Variants in EP400 observed in about 807,000 individuals in gnomAD.
EP400 encodes E1A-binding protein p400.
A neutral mutation model predicts 354.1 loss-of-function variants in EP400; 105 were observed. The ratio of observed to expected loss-of-function variants is 0.30; its 90% CI spans 0.25 to 0.35. EP400 has a LOEUF of 0.35. Ranked by LOEUF, EP400 falls within the 10% of genes least tolerant of loss-of-function variation. EP400 has a pLI of 1.00. For missense variants in EP400, 3,280 were observed against 4,121.0 expected, an observed-to-expected ratio of 0.80 and a Z score of 5.59; for synonymous variants, 1,646 against 1,716.9, an observed-to-expected ratio of 0.96 and a Z score of 1.02.
rs1352683997 is a variant in EP400 at position 132,038,240 on chromosome 12, C to T, written c.6207+144C>T. The T allele has an allele frequency of 9.8e-7, 1 of 1,021,632 alleles. No individual in the cohort carries two copies. Among genetic ancestry groups the T allele is most frequent in the East Asian group, 2.6e-5 (1 of 38,798 alleles). 63.3% of individuals were successfully genotyped at this position (1,021,632 alleles called of 1,614,324 possible). On this transcript the variant is annotated intron_variant, in intron 32 of 52. Coordinates refer to ENST00000389561, the MANE Select transcript of EP400 (RefSeq NM_015409.5). This position sits in a 1 kb window ranked among gnomAD's most constrained non-coding sequence, Gnocchi z 4.2. ...CCCGTCCCTGCTTTTGGAACCTCCC[C>T]ACTCCCTTCTTTCTGTCATGGGGAT...
chr12:132,006,074 T>C, intron 13 of EP400, 38 bp from the exon 14 acceptor site: 1 of 1,575,064 alleles, frequency 6.3e-7, no homozygotes, highest in South Asian at 1.1e-5. Context: ...TAAAGCCTTC[T>C]CAGTGGCCCT....
intron 12 of EP400, among the ~76,000 whole-genome samples, chr12:131,996,293 C>CTATTTTT (rs1893213191): frequency 8.1e-6 from 1 of 123,398 alleles, no homozygotes; most frequent in African/African-American, 4.3e-5. Context: ...CAGGAAGGAA[C>CTATTTTT]TCTTTTTTTT....
intron 30 of EP400, among the ~76,000 whole-genome samples, chr12:132,035,237 C>G (rs751936873): frequency 7.2e-5 from 11 of 152,150 alleles, no homozygotes; most frequent in Non-Finnish European, 1.5e-4. Flanking sequence ...GGGAACGAGC[C>G]TGTTCAGCCT....
At chr12:131,998,267 C>A (rs775678575) in intron 12 of EP400, among the ~76,000 whole-genome samples, 11 of 152,266 alleles carry the variant, frequency 7.2e-5, no homozygotes, top group Admixed American at 2.6e-4. Context: ...TATTTGGGGA[C>A]TATTTCAGAA....
chr12:131,973,771 TTC>T (rs1386384936), intron 2 of EP400, among the ~76,000 whole-genome samples: 25 of 152,214 alleles, frequency 1.6e-4, no homozygotes, highest in Non-Finnish European at 1.3e-4. Flanking sequence ...TTGCGTGTAT[TTC>T]TCTTTGTTTC....
intron 47 of EP400, among the ~76,000 whole-genome samples, chr12:132,062,967 T>C (rs1253402421): frequency 3.3e-5 from 5 of 152,240 alleles, no homozygotes; most frequent in Admixed American, 1.3e-4. Flanking sequence ...TCTTCTTGCT[T>C]AGGCGTCTTG....
intron 50 of EP400, chr12:132,069,218 C>T: frequency 5.0e-6 from 2 of 400,502 alleles, no homozygotes; most frequent in Non-Finnish European, 9.0e-6. Flanking sequence ...ACCAGCCCGA[C>T]TATTCAGGGA....
At chr12:132,047,872 A>G (rs1895159912) in intron 39 of EP400, among the ~76,000 whole-genome samples, 2 of 152,328 alleles carry the variant, frequency 1.3e-5, no homozygotes, top group East Asian at 1.9e-4. Flanking sequence ...GCTGCCCCCA[A>G]AGCGGCCATT....
At chr12:131,999,815 C>A (rs1019258483) in intron 12 of EP400, among the ~76,000 whole-genome samples, 9 of 152,064 alleles carry the variant, frequency 5.9e-5, no homozygotes, top group Non-Finnish European at 1.0e-4. Context: ...CTAGGAATTT[C>A]TTTATTTCAT....
intron 30 of EP400, among the ~76,000 whole-genome samples, chr12:132,036,617 CCTT>C (rs1266753609): frequency 6.6e-6 from 1 of 152,254 alleles, no homozygotes; most frequent in Admixed American, 6.5e-5. Flanking sequence ...TGCAGCAGCA[CCTT>C]CTTGTGAACC....
intron 51 of EP400, chr12:132,076,025 A>C (rs1896224925): frequency 4.5e-6 from 1 of 221,784 alleles, no homozygotes; most frequent in South Asian, 6.7e-5. Context: ...GATCTCAATC[A>C]TGACTAAGAA....
At chr12:132,020,301 G>C in intron 22 of EP400, 83 bp downstream of exon 22, 1 of 1,453,536 alleles carries the variant, frequency 6.9e-7, no homozygotes, top group Non-Finnish European at 9.2e-7. Context: ...TCGCGCCTCT[G>C]GATGCGGTAA....
chr12:132,056,349 C>T (rs1471460881), intron 45 of EP400, among the ~76,000 whole-genome samples: 1 of 152,080 alleles, frequency 6.6e-6, no homozygotes, highest in Non-Finnish European at 1.5e-5. Context: ...GATGATGGAG[C>T]ATTGGCAGGA....
intron 32 of EP400, among the ~76,000 whole-genome samples, chr12:132,040,933 A>G (rs1014835003): frequency 1.7e-4 from 26 of 152,150 alleles, no homozygotes; most frequent in African/African-American, 6.3e-4. Context: ...CCTGGGGACC[A>G]GTTAAGAGTC....
intron 7 of EP400, 91 bp downstream of exon 7, chr12:131,987,981 C>CA: frequency 4.4e-4 from 311 of 714,200 alleles, no homozygotes; most frequent in Non-Finnish European, 5.5e-4. Context: ...TCTCCAGACC[C>CA]ACTTTTTTTT....
chr12:132,021,092 G>A lies in EP400; in HGVS notation c.4461G>A (p.Pro1487=), dbSNP rs145854855. ...TATCGATTGCAGCAGCAGCAGCCCCGTTTCAGACCTCTCAGGCTTCCGCCA... is the reference window on the plus strand; with the variant it reads ...TATCGATTGCAGCAGCAGCAGCCCCATTTCAGACCTCTCAGGCTTCCGCCA... ...ANPEAKAAAA[P]FQTSQASASA... The change falls in exon 23 of 53, where the codon CCG becomes CCA. Residue 1487 remains proline (P), a synonymous_variant. Coordinates refer to ENST00000389561, the MANE Select transcript of EP400 (RefSeq NM_015409.5). The A allele has an allele frequency of 1.3e-4, 206 of 1,598,102 alleles. No homozygotes were observed. Among genetic ancestry groups the A allele is most frequent in the Non-Finnish European group, 1.5e-4 (178 of 1,178,764 alleles).
chr12:132,074,134 A>G (rs914105790), intron 51 of EP400, among the ~76,000 whole-genome samples: 1 of 151,812 alleles, frequency 6.6e-6, no homozygotes. Context: ...CATGTTGGCC[A>G]GACTGGTCTC....
chr12:132,079,568 A>G lies in EP400; in HGVS notation c.*1895A>G, dbSNP rs1896326233. On this transcript the variant is annotated 3_prime_UTR_variant, in exon 53 of 53. Coordinates refer to ENST00000389561, the MANE Select transcript of EP400 (RefSeq NM_015409.5). ...TCCCAAATCTTGGTAGTCTCCTTATAGTTGAAGATAAAATGTTGAGTGCAC... is the reference window on the plus strand; with the variant it reads ...TCCCAAATCTTGGTAGTCTCCTTATGGTTGAAGATAAAATGTTGAGTGCAC... The G allele has an allele frequency of 6.6e-6, 1 of 152,274 alleles. No homozygotes were observed. The highest frequency in any genetic ancestry group is 1.5e-5 in the Non-Finnish European group (1 of 68,054). The allele number at this position is 152,274 out of a possible 1,614,324, so 9.4% of individuals were successfully genotyped here.
At chr12:132,006,626 G>A (rs769127109) in intron 14 of EP400, 74 bp from the exon 15 acceptor site, 3 of 1,421,970 alleles carry the variant, frequency 2.1e-6, no homozygotes, top group African/African-American at 1.4e-5. Context: ...TGTGACTGTT[G>A]ATTTCAGTTT....
Sources: allele counts gnomAD v4.1 joint callset (sites outside exome capture counted in the v4.1 genomes callset), GRCh38; gene constraint gnomAD v4.1.1; non-coding constraint Gnocchi (gnomAD v3.1); transcripts MANE v1.5; gene names NCBI Gene and HGNC (gene_info 2026-07-23, HGNC 2026-07-21).